The following ARID1B variants were observed in gnomAD, a reference collection of about 807,000 sequenced individuals.
The protein encoded by ARID1B is AT-rich interactive domain-containing protein 1B.
A neutral mutation model predicts 212.3 loss-of-function variants in ARID1B; 30 were observed. The ratio of observed to expected loss-of-function variants is 0.14; its 90% CI spans 0.11 to 0.19. The LOEUF (loss-of-function observed/expected upper bound fraction) is 0.19. ARID1B is among the 10% of genes least tolerant of loss of function. The pLI, the probability that ARID1B is intolerant of heterozygous loss-of-function variation, is 1.00. For synonymous variants in ARID1B, 1,402 were observed against 1,301.7 expected (o/e 1.08, Z -1.66); for missense variants, 2,891 against 3,204.0 (o/e 0.90, Z 2.36).
At chr6:156,886,758 G>A (rs1787540249) in intron 2 of ARID1B, among the ~76,000 whole-genome samples, 1 of 152,210 alleles carries the variant, frequency 6.6e-6, no homozygotes, top group Non-Finnish European at 1.5e-5. Flanking sequence ...TCTTAATAAT[G>A]TGTAACTGTG....
At chr6:157,106,395 C>T (rs573819072) in intron 5 of ARID1B, among the ~76,000 whole-genome samples, 1 of 152,190 alleles carries the variant, frequency 6.6e-6, no homozygotes, top group Non-Finnish European at 1.5e-5. Flanking sequence ...GACTAGGGAA[C>T]AATCTACTTC....
intron 1 of ARID1B, among the ~76,000 whole-genome samples, chr6:156,822,423 G>C (rs1031175904): frequency 3.9e-5 from 6 of 152,214 alleles, no homozygotes; most frequent in Non-Finnish European, 8.8e-5. Context: ...GTGGACCCGA[G>C]TTGGGAGACT....
rs557261439 is a variant in ARID1B, at chr6:157,120,021, C to A, written c.2581+9460C>A. On this transcript the variant is annotated intron_variant, in intron 6 of 19. Coordinates refer to ENST00000636930, the MANE Select transcript of ARID1B (RefSeq NM_001374828.1). Reference sequence around the variant, plus strand: ...AAGATTTTGTATCTAACAGTAAAAACTGCAAAGCACCGTGAACATAGTAAA... The same window carrying A: ...AAGATTTTGTATCTAACAGTAAAAAATGCAAAGCACCGTGAACATAGTAAA... 8.4e-4 allele frequency among the ~76,000 whole-genome samples: 128 copies of A among 152,332 alleles called. 2 individuals are homozygous for A. The South Asian group carries it at 0.026, about 31-fold the overall frequency.
intron 4 of ARID1B, among the ~76,000 whole-genome samples, chr6:157,055,914 T>G (rs1782927625): frequency 6.6e-6 from 1 of 152,180 alleles, no homozygotes; most frequent in African/African-American, 2.4e-5. Flanking sequence ...GGAGGTGACC[T>G]GCAGTTCCGT....
upstream of ARID1B, chr6:156,777,078 T>G (rs1464939658): frequency 6.6e-6 from 1 of 152,228 alleles, no homozygotes; most frequent in Non-Finnish European, 1.5e-5. Context: ...TTTTCCACCT[T>G]TGTATCGTTC....
chr6:156,929,316 T>C (rs557557526), intron 3 of ARID1B, among the ~76,000 whole-genome samples: 3 of 152,012 alleles, frequency 2.0e-5, no homozygotes, highest in East Asian at 3.9e-4. Context: ...GGAAATGATA[T>C]TTGAAATTCA....
chr6:156,965,753 T>G (rs910593749), intron 4 of ARID1B, among the ~76,000 whole-genome samples: 12 of 152,170 alleles, frequency 7.9e-5, no homozygotes, highest in Middle Eastern at 3.2e-3. Context: ...TTGTGAACAA[T>G]AAGATTTTTT....
chr6:156,931,178 G>A lies in ARID1B; in HGVS notation c.2137-4288G>A, dbSNP rs555472538. Among the ~76,000 whole-genome samples the A allele has an allele frequency of 1.9e-4, 23 of 121,498 alleles. No homozygotes were observed. The South Asian group carries it at 3.2e-3, about 17-fold the overall frequency. 79.7% of individuals were successfully genotyped at this position (121,498 alleles called of 152,430 possible). A position where few individuals can be genotyped will look rare whatever the true frequency, so the allele number is the denominator to read the frequency against. ...TGCACTACAGCCTGGACTACAGAGC[G>A]AGACTCAGTCTCAAAAAAAAAAAAA... On this transcript the variant is annotated intron_variant, in intron 3 of 19. Coordinates refer to ENST00000636930, the MANE Select transcript of ARID1B (RefSeq NM_001374828.1).
intron 2 of ARID1B, among the ~76,000 whole-genome samples, chr6:156,835,795 G>A (rs1783470382): frequency 6.6e-6 from 1 of 152,076 alleles, no homozygotes; most frequent in African/African-American, 2.4e-5. Context: ...GGGCTGGAGT[G>A]CAGTGGCATG....
In ARID1B at chr6:156,945,030, C is replaced by T. The variant is rs28495508; in HGVS notation, c.2247+9454C>T. Among the ~76,000 whole-genome samples, 5 of 149,726 alleles carry T rather than the reference C, an allele frequency of 3.3e-5. No homozygotes were observed. The East Asian group carries it at 9.8e-4, about 29-fold the overall frequency. On this transcript the variant is annotated intron_variant, in intron 4 of 19. Transcript: ENST00000636930. ...CTCTGCCTCCCAGGTTCCTGCCATT[C>T]TCCTGCCTCAGCCTCCCGAGTAGCT...
chr6:157,091,955 T>C (rs1244349947), intron 5 of ARID1B, among the ~76,000 whole-genome samples: 1 of 152,224 alleles, frequency 6.6e-6, no homozygotes, highest in Non-Finnish European at 1.5e-5. Context: ...TATCGAATGT[T>C]CCTTTTTGGC....
chr6:156,956,676 G>T (rs2128314470), intron 4 of ARID1B, among the ~76,000 whole-genome samples: 1 of 152,324 alleles, frequency 6.6e-6, no homozygotes, highest in East Asian at 1.9e-4. Flanking sequence ...ATATATGAGT[G>T]AATTTTGTTT....
chr6:156,905,155 T>G (rs900216532), intron 3 of ARID1B, among the ~76,000 whole-genome samples: 2 of 152,030 alleles, frequency 1.3e-5, no homozygotes, highest in Non-Finnish European at 2.9e-5. Context: ...TTAGGGAGAC[T>G]GGGCCTTTGT....
In ARID1B at chr6:157,189,691, C is replaced by T. The variant is rs2128338814; in HGVS notation, c.3969C>T (p.Ser1323=). The change falls in exon 14 of 20, where the codon AGC becomes AGT. Residue 1323 remains serine (S), a synonymous_variant. Transcript: ENST00000636930. ...CACAGACCCCCCAGTCAACTGGCAG[C>T]AATTCCATGGCAGAGGTTCCAGGTG... The part of the protein sequence containing the change: ...QGPQTPQSTG[S]NSMAEVPGDL... The T allele has an allele frequency of 6.2e-7, 1 of 1,613,946 alleles. No individual in the cohort carries two copies. The highest frequency in any genetic ancestry group is 8.5e-7 in the Non-Finnish European group (1 of 1,180,020).
intron 2 of ARID1B, among the ~76,000 whole-genome samples, chr6:156,847,508 G>A (rs1284702131): frequency 6.6e-6 from 1 of 152,224 alleles, no homozygotes; most frequent in Non-Finnish European, 1.5e-5. Flanking sequence ...TGAGGTCTGG[G>A]TCTGTAGAGA....
At chr6:157,070,396 A>G (rs1453577097) in intron 4 of ARID1B, among the ~76,000 whole-genome samples, 6 of 152,230 alleles carry the variant, frequency 3.9e-5, no homozygotes, top group Non-Finnish European at 5.9e-5. Flanking sequence ...TCCTATTGCT[A>G]GTATACTGAC....
Position 157,004,318 on chromosome 6 carries a change from C to G in ARID1B, c.2247+68742C>G, listed in dbSNP as rs911327591. Among the ~76,000 whole-genome samples the G allele has an allele frequency of 3.3e-5, 5 of 152,136 alleles. No individual in the cohort carries two copies. In the South Asian group the frequency reaches 6.2e-4, roughly 19 times the overall value. Reference sequence around the variant, plus strand: ...TATAGGCCAAAAAAGAACTTGAACTCTAATACTGCCTTGTAAATTATATGT... The same window carrying G: ...TATAGGCCAAAAAAGAACTTGAACTGTAATACTGCCTTGTAAATTATATGT... On this transcript the variant is annotated intron_variant, in intron 4 of 19. Transcript: ENST00000636930.
intron 1 of ARID1B, among the ~76,000 whole-genome samples, chr6:156,812,159 T>C (rs1476410247): frequency 6.6e-6 from 1 of 152,156 alleles, no homozygotes; most frequent in Non-Finnish European, 1.5e-5. Flanking sequence ...TGAAACAGGG[T>C]CTTCCTTTGT....
In ARID1B at chr6:157,203,952, C is replaced by A; in HGVS notation, c.5350C>A (p.Leu1784Ile). 6.2e-7 allele frequency: 1 copy of A among 1,614,142 alleles called. No homozygotes were observed. Among genetic ancestry groups the A allele is most frequent in the Non-Finnish European group, 8.5e-7 (1 of 1,179,994 alleles). The change falls in exon 19 of 20, where the codon CTT becomes ATT. Residue 1784 changes from leucine to isoleucine, a missense_variant. Leu to Ile is a conservative substitution (Grantham distance 5). Transcript: ENST00000636930. This position sits in a 1 kb window ranked among gnomAD's most constrained non-coding sequence, Gnocchi z 4.4. ...GTGGGCTTTGGACACTATTAATATT[C>A]TTCTGTATGATGACAGCACTGTTGC... Reference protein sequence around the residue: ...STWALDTINILLYDDSTVATF... With the variant: ...STWALDTINIILYDDSTVATF...
Sources: gnomAD v4.1 joint callset for allele counts (sites outside exome capture counted in the v4.1 genomes callset) on GRCh38, gnomAD v4.1.1 for gene constraint, Gnocchi (gnomAD v3.1) non-coding constraint, MANE v1.5 for transcripts, NCBI Gene and HGNC (gene_info 2026-07-23, HGNC 2026-07-21) for gene names.